NEK1: variants seen among roughly 807,000 people sequenced by gnomAD.
NEK1 encodes the protein NIMA related kinase 1, also known as serine/threonine-protein kinase Nek1.
A neutral mutation model predicts 182.1 loss-of-function variants in NEK1; 137 were observed. The ratio of observed to expected loss-of-function variants is 0.75; its 90% CI spans 0.65 to 0.87. The LOEUF is 0.87. Ranked by LOEUF, NEK1 falls within the 40% of genes least tolerant of loss-of-function variation. NEK1 has a pLI of 0.00. For missense variants in NEK1, 1,391 were observed against 1,494.4 expected (o/e 0.93, Z 1.14); for synonymous variants, 513 against 492.2 (o/e 1.04, Z -0.56).
At chr4:169,456,439 G>T (rs895673581) in intron 27 of NEK1, among the ~76,000 whole-genome samples, 1 of 152,118 alleles carries the variant, frequency 6.6e-6, no homozygotes, top group East Asian at 1.9e-4. Context: ...TTTTTGAAAA[G>T]ATGAACAAAA....
intron 28 of NEK1, among the ~76,000 whole-genome samples, chr4:169,435,496 AG>A (rs1461310997): frequency 1.3e-5 from 2 of 152,168 alleles, no homozygotes; most frequent in African/African-American, 4.8e-5. Flanking sequence ...CACATTTTGC[AG>A]GGTTTCTGGT....
At chr4:169,496,925 C>A (rs939795588) in intron 23 of NEK1, among the ~76,000 whole-genome samples, 5 of 152,174 alleles carry the variant, frequency 3.3e-5, no homozygotes, top group South Asian at 2.1e-4. Flanking sequence ...TCATAAAATG[C>A]GTTAGGGAGG....
chr4:169,581,721 T>C (rs1266292107), intron 10 of NEK1, among the ~76,000 whole-genome samples: 1 of 152,224 alleles, frequency 6.6e-6, no homozygotes, highest in Non-Finnish European at 1.5e-5. Flanking sequence ...GAAAAATCTC[T>C]ATATTCTGTG....
rs1224600911 is a variant in NEK1 at position 169,401,293 on chromosome 4, G to A, written c.3583+359C>T. ...AAGAGTTTTTAGTACTTTAAAAACT[G>A]CTTTCAGTGTTAACTCTGCTGGTTA... On this transcript the variant is annotated intron_variant, in intron 33 of 35. Transcript: ENST00000507142. 2.0e-5 allele frequency among the ~76,000 whole-genome samples: 3 copies of A among 152,094 alleles called. No homozygotes were observed. The East Asian group carries it at 5.8e-4, about 29-fold the overall frequency.
intron 29 of NEK1, among the ~76,000 whole-genome samples, chr4:169,433,301 C>T (rs1487678048): frequency 6.6e-6 from 1 of 152,210 alleles, no homozygotes; most frequent in Non-Finnish European, 1.5e-5. Flanking sequence ...CTCAAGTGAT[C>T]TGCCCGCCTC....
At chr4:169,557,074 A>G (rs77294651) in intron 16 of NEK1, among the ~76,000 whole-genome samples, 1,842 of 152,312 alleles carry the variant, frequency 0.012, 32 homozygotes, top group African/African-American at 0.042. Flanking sequence ...CAGCAGTAGT[A>G]TATCAACAGA....
intron 19 of NEK1, among the ~76,000 whole-genome samples, chr4:169,529,361 T>G (rs1057170178): frequency 1.3e-5 from 2 of 152,160 alleles, no homozygotes; most frequent in Non-Finnish European, 2.9e-5. Flanking sequence ...TTAATGCCAC[T>G]GAACTGTATA....
intron 27 of NEK1, among the ~76,000 whole-genome samples, chr4:169,446,678 G>T (rs1167195188): frequency 1.3e-5 from 2 of 151,960 alleles, no homozygotes; most frequent in Non-Finnish European, 2.9e-5. Flanking sequence ...AAAAAATTCA[G>T]AATCTTACCA....
At chr4:169,470,055 C>T (rs896814631) in intron 26 of NEK1, among the ~76,000 whole-genome samples, 1 of 151,140 alleles carries the variant, frequency 6.6e-6, no homozygotes, top group African/African-American at 2.4e-5. Flanking sequence ...TAATACAGCA[C>T]ACTGATGAGT....
At chr4:169,551,304 T>C (rs1761394652) in intron 18 of NEK1, among the ~76,000 whole-genome samples, 2 of 152,156 alleles carry the variant, frequency 1.3e-5, no homozygotes, top group Non-Finnish European at 2.9e-5. Flanking sequence ...AGAAAAAAAC[T>C]TAGTAATATT....
At chr4:169,421,098 T>C (rs1735419076) in intron 31 of NEK1, among the ~76,000 whole-genome samples, 1 of 152,142 alleles carries the variant, frequency 6.6e-6, no homozygotes, top group Non-Finnish European at 1.5e-5. Flanking sequence ...CAAGGTGATA[T>C]GACCAGTGAT....
At chr4:169,479,188 T>C (rs1327070110) in intron 24 of NEK1, among the ~76,000 whole-genome samples, 1 of 152,162 alleles carries the variant, frequency 6.6e-6, no homozygotes, top group East Asian at 1.9e-4. Context: ...ATAAGAGTTA[T>C]TGTGATATAT....
At chr4:169,544,918 T>TAA (rs1003767512) in intron 18 of NEK1, among the ~76,000 whole-genome samples, 3 of 150,960 alleles carry the variant, frequency 2.0e-5, no homozygotes, top group Admixed American at 1.3e-4. Flanking sequence ...TGTTGATCTT[T>TAA]AAAAAAAAAC....
At chr4:169,455,364 C>T (rs1043708285) in intron 27 of NEK1, among the ~76,000 whole-genome samples, 12 of 149,378 alleles carry the variant, frequency 8.0e-5, no homozygotes, top group Middle Eastern at 3.5e-3. Context: ...CAGTTGCCTA[C>T]AAGAAACAGA....
intron 18 of NEK1, among the ~76,000 whole-genome samples, chr4:169,548,136 C>T (rs751099432): frequency 3.3e-4 from 50 of 152,298 alleles, no homozygotes; most frequent in Middle Eastern, 3.4e-3. Flanking sequence ...CTGAAGTTGG[C>T]GACCTTCAGA....
intron 23 of NEK1, among the ~76,000 whole-genome samples, chr4:169,495,239 C>CTTTTTTTTTTTTTTTTT (rs774183115): frequency 9.5e-6 from 1 of 105,448 alleles, no homozygotes; most frequent in Non-Finnish European, 1.9e-5. Context: ...ACATTTAAGT[C>CTTTTTTTTTTTTTTTTT]TTTTTTTTTT....
At chr4:169,601,858 G>A (rs1300109393) in intron 4 of NEK1, 150 bp downstream of exon 4, 2 of 583,012 alleles carry the variant, frequency 3.4e-6, no homozygotes, top group Admixed American at 3.1e-5. Flanking sequence ...AAAAAATGCA[G>A]GCATGATATC....
At chr4:169,476,474 G>A (rs922394542) in intron 26 of NEK1, among the ~76,000 whole-genome samples, 3 of 151,978 alleles carry the variant, frequency 2.0e-5, no homozygotes, top group Admixed American at 1.3e-4. Flanking sequence ...ATAAAGAACT[G>A]TTGAATAAAT....
intron 19 of NEK1, among the ~76,000 whole-genome samples, chr4:169,526,036 A>C (rs1756845866): frequency 6.6e-6 from 1 of 152,236 alleles, no homozygotes; most frequent in Non-Finnish European, 1.5e-5. Flanking sequence ...TTTATTAATA[A>C]GGTTCAGAGC....
Sources: gnomAD v4.1 joint callset for allele counts (sites outside exome capture counted in the v4.1 genomes callset) on GRCh38, gnomAD v4.1.1 for gene constraint, MANE v1.5 for transcripts, NCBI Gene and HGNC (gene_info 2026-07-23, HGNC 2026-07-21) for gene names.